METTL15: variants seen among roughly 807,000 people sequenced by gnomAD.
METTL15 encodes methyltransferase 15, mitochondrial 12S rRNA N4-cytidine.
Under a neutral mutation model 38.3 loss-of-function variants are expected in METTL15, and 34 were observed. That is an observed-to-expected ratio of 0.89 (90% CI 0.68 to 1.18). METTL15 has a LOEUF of 1.18. Among genes scored for constraint, METTL15 ranks in the 50% most tolerant of loss-of-function variants. The pLI is 0.00. For synonymous variants in METTL15, 162 were observed against 170.9 expected, an observed-to-expected ratio of 0.95 and a Z score of 0.41; for missense variants, 438 against 498.4, an observed-to-expected ratio of 0.88 and a Z score of 1.15.
chr11:28,235,134 C>A (rs1853890318), intron 4 of METTL15, among the ~76,000 whole-genome samples: 1 of 152,012 alleles, frequency 6.6e-6, no homozygotes, highest in Non-Finnish European at 1.5e-5. Flanking sequence ...GGCGTTATTT[C>A]TGAGGGGTCT....
intron 4 of METTL15, among the ~76,000 whole-genome samples, chr11:28,270,256 A>G (rs1476954235): frequency 2.6e-5 from 4 of 152,164 alleles, no homozygotes; most frequent in African/African-American, 9.7e-5. Context: ...TTTTTAACTG[A>G]CAAATATTGC....
intron 6 of METTL15, among the ~76,000 whole-genome samples, chr11:28,503,929 C>T (rs1263763352): frequency 6.6e-6 from 1 of 151,868 alleles, no homozygotes; most frequent in African/African-American, 2.4e-5. Context: ...GGTGCAGTGG[C>T]TCACACCTAT....
At chr11:28,228,573 G>T (rs1373057430) in intron 4 of METTL15, among the ~76,000 whole-genome samples, 1 of 151,644 alleles carries the variant, frequency 6.6e-6, no homozygotes, top group African/African-American at 2.4e-5. Flanking sequence ...TCTAATGAAA[G>T]AATTTTATGT....
chr11:28,166,062 T>C (rs1220070351), intron 3 of METTL15, among the ~76,000 whole-genome samples: 2 of 152,174 alleles, frequency 1.3e-5, no homozygotes, highest in Admixed American at 6.6e-5. Flanking sequence ...TATTTTGAAA[T>C]CTGGGAATGT....
chr11:28,258,412 G>A (rs777343000), intron 4 of METTL15, among the ~76,000 whole-genome samples: 3 of 151,994 alleles, frequency 2.0e-5, no homozygotes, highest in Non-Finnish European at 4.4e-5. Context: ...AGGCCCTGAG[G>A]CTCAACAGTC....
intron 3 of METTL15, among the ~76,000 whole-genome samples, chr11:28,132,359 A>G (rs1369440609): frequency 1.3e-5 from 2 of 152,094 alleles, no homozygotes; most frequent in Non-Finnish European, 2.9e-5. Flanking sequence ...TCATTAAGTT[A>G]CATTTCTTTC....
chr11:28,421,252 T>C (rs1850817890), intron 5 of METTL15, among the ~76,000 whole-genome samples: 1 of 152,090 alleles, frequency 6.6e-6, no homozygotes, highest in African/African-American at 2.4e-5. Context: ...GCCTAGGTCT[T>C]GGCGGATTCA....
chr11:28,426,882 T>C (rs1454790913), intron 6 of METTL15, among the ~76,000 whole-genome samples: 1 of 152,180 alleles, frequency 6.6e-6, no homozygotes, highest in Non-Finnish European at 1.5e-5. Context: ...TTTCTCATTC[T>C]GTAGGTTGAC....
chr11:28,295,036 G>A (rs1856680030), intron 5 of METTL15, among the ~76,000 whole-genome samples: 1 of 152,062 alleles, frequency 6.6e-6, no homozygotes, highest in Non-Finnish European at 1.5e-5. Context: ...TCATTCAAAT[G>A]CTCAGTGGTT....
rs1217608483 is a variant in METTL15 at position 28,444,529 on chromosome 11, C to A, written c.*424+20165C>A. 2.0e-5 allele frequency among the ~76,000 whole-genome samples: 3 copies of A among 152,092 alleles called. 1 individual carries two copies. The South Asian group carries it at 6.2e-4, about 32-fold the overall frequency. The stretch of plus-strand genomic sequence containing the variant: ...ACTGTAAGCCCACAGAATTGGGATG[C>A]CATGTAGTAAATTTGCTGAGGTTTG... On this transcript the variant is annotated intron_variant and NMD_transcript_variant, in intron 6 of 7. Transcript: ENST00000532947.
chr11:28,138,116 AT>A (rs71050944), intron 3 of METTL15, among the ~76,000 whole-genome samples: 33 of 148,704 alleles, frequency 2.2e-4, no homozygotes, highest in Admixed American at 3.4e-4. Context: ...AAAACAAGGG[AT>A]TTTTTTTTTT....
chr11:28,421,206 A>C (rs1199533233), intron 5 of METTL15, among the ~76,000 whole-genome samples: 1 of 152,018 alleles, frequency 6.6e-6, no homozygotes, highest in Non-Finnish European at 1.5e-5. Flanking sequence ...TAATAAGATC[A>C]AGACCATAAT....
At chr11:28,431,189 C>T (rs1161504034) in intron 6 of METTL15, among the ~76,000 whole-genome samples, 2 of 114,882 alleles carry the variant, frequency 1.7e-5, no homozygotes, top group Non-Finnish European at 4.1e-5. Context: ...CCATCCGCCC[C>T]GTCCGGGAGG....
chr11:28,291,216 A>T (rs925477696), intron 5 of METTL15, among the ~76,000 whole-genome samples: 1 of 151,546 alleles, frequency 6.6e-6, no homozygotes, highest in Non-Finnish European at 1.5e-5. Context: ...CCGGCTAATT[A>T]TTTTTGTATT....
chr11:28,380,391 A>G (rs1166895764), intron 5 of METTL15, among the ~76,000 whole-genome samples: 1 of 152,022 alleles, frequency 6.6e-6, no homozygotes, highest in African/African-American at 2.4e-5. Context: ...GATGGTCTCG[A>G]TCTCCTGACC....
In METTL15 at chr11:28,161,694, A is replaced by G. The variant is rs1025832056; in HGVS notation, c.270+48090A>G. On this transcript the variant is annotated intron_variant, in intron 3 of 6. Transcript: ENST00000407364. ...TAAAGGGTGATATAATGAAAATTGAATAGAAAATATGACTTGTATTTTGAA... is the reference window on the plus strand; with the variant it reads ...TAAAGGGTGATATAATGAAAATTGAGTAGAAAATATGACTTGTATTTTGAA... 5.9e-5 allele frequency among the ~76,000 whole-genome samples: 9 copies of G among 152,014 alleles called. No individual in the cohort carries two copies. The South Asian group carries it at 6.2e-4, about 11-fold the overall frequency.
chr11:28,227,228 T>C (rs1252039595), intron 4 of METTL15, among the ~76,000 whole-genome samples: 1 of 151,858 alleles, frequency 6.6e-6, no homozygotes, highest in African/African-American at 2.4e-5. Flanking sequence ...TTTTGACGGT[T>C]CCAGAGGGAT....
At chr11:28,193,746 A>G (rs1407107248) in intron 3 of METTL15, among the ~76,000 whole-genome samples, 2 of 152,278 alleles carry the variant, frequency 1.3e-5, no homozygotes, top group Non-Finnish European at 2.9e-5. Context: ...AAGAAATCCA[A>G]TATAAAAAAT....
At chr11:28,194,166 T>TTCTTTCTTTCTTTCTTTCTTTC (rs1195553694) in intron 3 of METTL15, among the ~76,000 whole-genome samples, 1 of 86,410 alleles carries the variant, frequency 1.2e-5, no homozygotes, top group East Asian at 4.1e-4. Context: ...CTTTCTTTCT[T>TTCTTTCTTTCTTTCTTTCTTTC]TCTTTCTTTT....
Sources: allele counts gnomAD v4.1 joint callset (sites outside exome capture counted in the v4.1 genomes callset), GRCh38; gene constraint gnomAD v4.1.1; transcripts MANE v1.5; gene names NCBI Gene and HGNC (gene_info 2026-07-23, HGNC 2026-07-21).